Variants in NRDC observed in about 807,000 individuals in gnomAD.
NRDC encodes the protein nardilysin convertase.
Under a neutral mutation model 147.1 loss-of-function variants are expected in NRDC, and 54 were observed. The observed-to-expected ratio is 0.37, with a 90% CI of 0.29 to 0.46. NRDC has a LOEUF of 0.46. NRDC is among the 20% of genes least tolerant of loss of function. The pLI is 1.00. For missense variants in NRDC, 1,082 were observed against 1,370.6 expected, an observed-to-expected ratio of 0.79 and a Z score of 3.33; for synonymous variants, 440 against 482.1, an observed-to-expected ratio of 0.91 and a Z score of 1.14.
chr1:51,810,220 A>G, intron 16 of NRDC, 61 bp downstream of exon 16: 1 of 1,293,656 alleles, frequency 7.7e-7, no homozygotes, highest in Non-Finnish European at 1.1e-6. Flanking sequence ...TTATTAAAGA[A>G]TAAACATTTC....
At chr1:51,828,462 C>T (rs917110946) in intron 4 of NRDC, among the ~76,000 whole-genome samples, 7 of 151,930 alleles carry the variant, frequency 4.6e-5, no homozygotes, top group Middle Eastern at 3.2e-3. Context: ...TGACTAAAAA[C>T]GTTTCAGTTA....
In NRDC at chr1:51,798,171, C is replaced by A. The variant is rs1409508716; in HGVS notation, c.2604+78G>T. 3.5e-6 allele frequency: 5 copies of A among 1,431,938 alleles called. No individual in the cohort carries two copies. The Admixed American group carries it at 9.1e-5, about 26-fold the overall frequency. The allele number at this position is 1,431,938 out of a possible 1,614,324, so 88.7% of individuals were successfully genotyped here. On this transcript the variant is annotated intron_variant, in intron 22 of 30. Transcript: ENST00000352171. ...GCTGGCCTGCCAAAACTACAGCTTC[C>A]CCTTTAGGAAAGAACTATGGCAATT... is the stretch of plus-strand genomic sequence containing the variant.
intron 1 of NRDC, among the ~76,000 whole-genome samples, chr1:51,841,533 C>T (rs147246900): frequency 6.6e-6 from 1 of 151,982 alleles, no homozygotes; most frequent in Non-Finnish European, 1.5e-5. Flanking sequence ...TCTTGAACTC[C>T]TGGGCTCAAG....
At chr1:51,838,122 T>C (rs1459645972) in intron 2 of NRDC, among the ~76,000 whole-genome samples, 6 of 152,200 alleles carry the variant, frequency 3.9e-5, no homozygotes, top group African/African-American at 1.4e-4. Context: ...AAACAATTTC[T>C]CGTCTTCAAA....
rs776372342 is a variant in NRDC, at chr1:51,816,403, T to G, written c.1362-14A>C. On this transcript the variant is annotated splice_polypyrimidine_tract_variant and intron_variant, in intron 10 of 30. Coordinates refer to ENST00000352171, the MANE Select transcript of NRDC (RefSeq NM_001101662.2). The stretch of plus-strand genomic sequence containing the variant: ...AGTGGCTTCACCCTTTTAAAAAAAT[T>G]TAATGGTCAGAAGAAAAAAACAAAA... 2.0e-6 allele frequency: 3 copies of G among 1,533,328 alleles called. No homozygotes were observed. The highest frequency in any genetic ancestry group is 2.5e-5 in the South Asian group (2 of 78,934). The allele number at this position is 1,533,328 out of a possible 1,614,324, so 95.0% of individuals were successfully genotyped here.
intron 4 of NRDC, among the ~76,000 whole-genome samples, chr1:51,831,243 T>A (rs570779947): frequency 1.2e-4 from 19 of 152,328 alleles, no homozygotes; most frequent in African/African-American, 4.6e-4. Flanking sequence ...AATTTCATCA[T>A]CTCTGAGATG....
At chr1:51,790,403 C>T (rs12023878) in intron 29 of NRDC, 130 bp downstream of exon 29, 8,255 of 695,350 alleles carry the variant, frequency 0.012, 192 homozygotes, top group East Asian at 0.074. Flanking sequence ...AGGAAGTGAG[C>T]GAGTAATCAG....
intron 19 of NRDC, among the ~76,000 whole-genome samples, chr1:51,805,023 G>A (rs1679399555): frequency 1.3e-5 from 2 of 152,090 alleles, no homozygotes; most frequent in South Asian, 4.1e-4. Context: ...CATTTCCCAA[G>A]TATCTCCTAT....
At chr1:51,860,899 G>A (rs1021387451) in intron 1 of NRDC, among the ~76,000 whole-genome samples, 1 of 150,862 alleles carries the variant, frequency 6.6e-6, no homozygotes, top group Non-Finnish European at 1.5e-5. Flanking sequence ...CAATTAAGTT[G>A]TCCAGAGTAT....
At chr1:51,845,947 T>C (rs369154792) in intron 1 of NRDC, among the ~76,000 whole-genome samples, 45 of 151,716 alleles carry the variant, frequency 3.0e-4, no homozygotes, top group African/African-American at 9.7e-4. Flanking sequence ...AGACAAAATC[T>C]AACACCTAAT....
At chr1:51,849,062 A>G (rs1459705685) in intron 1 of NRDC, among the ~76,000 whole-genome samples, 1 of 152,128 alleles carries the variant, frequency 6.6e-6, no homozygotes, top group Admixed American at 6.5e-5. Context: ...CCCCCAAATT[A>G]ATCTATAAAT....
At position 51,840,603 on chromosome 1, in the gene NRDC, G is replaced by GA. The variant is rs1356492949; in HGVS notation, c.342-90dup. On this transcript the variant is annotated intron_variant, in intron 1 of 30. Transcript: ENST00000352171. The stretch of plus-strand genomic sequence containing the variant: ...TCAGCTTAGCAGAATTTTAAAAAAA[G>GA]AATCCAAGTAAAAGTACAAACACAC... 3.3e-6 allele frequency: 3 copies of GA among 903,542 alleles called. No homozygotes were observed. The African/African-American group carries it at 5.0e-5, about 15-fold the overall frequency. 56.0% of individuals were successfully genotyped at this position (903,542 alleles called of 1,614,324 possible). A position where few individuals can be genotyped will look rare whatever the true frequency, so the allele number is the denominator to read the frequency against.
At chr1:51,836,891 T>C (rs1051469436) in intron 2 of NRDC, among the ~76,000 whole-genome samples, 2 of 151,992 alleles carry the variant, frequency 1.3e-5, no homozygotes, top group Non-Finnish European at 2.9e-5. Context: ...TCAGAGTTTT[T>C]AACAAAATTG....
chr1:51,862,471 C>G (rs1682591624), intron 1 of NRDC: 1 of 152,176 alleles, frequency 6.6e-6, no homozygotes, highest in Non-Finnish European at 1.5e-5. Context: ...GCTTGTAATC[C>G]CAGAATTTTG....
intron 2 of NRDC, among the ~76,000 whole-genome samples, chr1:51,838,006 C>G (rs2149221088): frequency 6.6e-6 from 1 of 152,284 alleles, no homozygotes; most frequent in South Asian, 2.1e-4. Context: ...CAAGGCTAAT[C>G]TACTTTATTT....
At chr1:51,875,897 A>T (rs1683303615) in intron 1 of NRDC, among the ~76,000 whole-genome samples, 1 of 152,080 alleles carries the variant, frequency 6.6e-6, no homozygotes, top group African/African-American at 2.4e-5. Flanking sequence ...TACTATTGTA[A>T]GCTCCCTAAA....
chr1:51,799,800 A>C (rs1679103161), intron 21 of NRDC, among the ~76,000 whole-genome samples: 1 of 152,222 alleles, frequency 6.6e-6, no homozygotes, highest in East Asian at 1.9e-4. Flanking sequence ...GCCTGTGAGC[A>C]GAGGGTTTAA....
chr1:51,875,768 G>A (rs908623767), intron 1 of NRDC, among the ~76,000 whole-genome samples: 10 of 151,996 alleles, frequency 6.6e-5, no homozygotes, highest in Non-Finnish European at 1.5e-4. Flanking sequence ...TGCCCAGGCT[G>A]GTCTCGAAAT....
In NRDC at chr1:51,840,205, GA is replaced by G; in HGVS notation, c.630+20del. ...TACCCAAAGAATTCCCAAATTAGAA[GA>G]AAACAGACATGACTCGCACCTGTTT... On this transcript the variant is annotated intron_variant, in intron 2 of 30. Transcript: ENST00000352171. 1 of 1,556,116 alleles carries G rather than the reference GA, an allele frequency of 6.4e-7. No homozygotes were observed. Among genetic ancestry groups the G allele is most frequent in the Non-Finnish European group, 8.7e-7 (1 of 1,156,012 alleles).
Sources: allele counts gnomAD v4.1 joint callset (sites outside exome capture counted in the v4.1 genomes callset), GRCh38; gene constraint gnomAD v4.1.1; transcripts MANE v1.5; gene names NCBI Gene and HGNC (gene_info 2026-07-23, HGNC 2026-07-21).